EHBP1L1: variants seen among roughly 807,000 people sequenced by gnomAD.
The protein encoded by EHBP1L1 is EH domain-binding protein 1-like protein 1.
A neutral mutation model predicts 151.1 loss-of-function variants in EHBP1L1; 122 were observed. The observed-to-expected ratio is 0.81, with a 90% CI of 0.70 to 0.94. The LOEUF (loss-of-function observed/expected upper bound fraction) is 0.94, where lower values mean the gene tolerates loss of function less well. Ranked by LOEUF, EHBP1L1 falls within the 40% of genes least tolerant of loss-of-function variation. The probability of loss-of-function intolerance (pLI) is 0.00; values close to 1 mark genes in which losing one functional copy is unlikely to be tolerated. For missense variants in EHBP1L1, 1,941 were observed against 1,959.8 expected (o/e 0.99, Z 0.18); for synonymous variants, 878 against 810.1 (o/e 1.08, Z -1.42).
chr11:65,576,687 T>C (rs1374770116), intron 1 of EHBP1L1, among the ~76,000 whole-genome samples: 1 of 151,934 alleles, frequency 6.6e-6, no homozygotes, highest in Non-Finnish European at 1.5e-5. Context: ...CGGTCAGGGC[T>C]GGGGGAGGGA....
At chr11:65,578,980 C>G in intron 1 of EHBP1L1, 98 bp from the exon 2 acceptor site, 1 of 1,239,062 alleles carries the variant, frequency 8.1e-7, no homozygotes, top group Non-Finnish European at 1.1e-6. Context: ...GAAGGAAGAC[C>G]CTGAGGGAGC....
intron 12 of EHBP1L1, among the ~76,000 whole-genome samples, chr11:65,586,009 C>A (rs1444385819): frequency 6.6e-6 from 1 of 152,210 alleles, no homozygotes; most frequent in African/African-American, 2.4e-5. Flanking sequence ...TCTTTCCCTG[C>A]AGGTGGCTCA....
chr11:65,579,010 G>A (rs1482060771), intron 1 of EHBP1L1, 68 bp from the exon 2 acceptor site: 2 of 1,451,322 alleles, frequency 1.4e-6, no homozygotes, highest in African/African-American at 1.4e-5. Flanking sequence ...AGGAAGAGGA[G>A]ATGGGGAGGC....
chr11:65,585,509 A>G lies in EHBP1L1; in HGVS notation c.3851A>G (p.Lys1284Arg), dbSNP rs1303930943. The G allele has an allele frequency of 1.9e-6, 3 of 1,565,854 alleles. No individual in the cohort carries two copies. The African/African-American group carries it at 4.1e-5, about 21-fold the overall frequency. Reference sequence around the variant, plus strand: ...CACGTGCGCGACGCGGACCTGCTCAAGAAGAGGCGCTCGCGGCTGCGGAAC... The same window carrying G: ...CACGTGCGCGACGCGGACCTGCTCAGGAAGAGGCGCTCGCGGCTGCGGAAC... ...FSHVRDADLL[K>R]KRRSRLRNSS... The change falls in exon 12 of 19, where the codon AAG (lysine) becomes AGG (arginine). Residue 1284 changes from lysine (K) to arginine (R), a missense_variant. Coordinates refer to ENST00000309295, the MANE Select transcript of EHBP1L1 (RefSeq NM_001099409.3). This position sits in a 1 kb window ranked among gnomAD's most constrained non-coding sequence, Gnocchi z 4.0.
Position 65,576,192 on chromosome 11 carries a change from C to T in EHBP1L1, c.-111C>T, listed in dbSNP as rs908625565. On this transcript the variant is annotated 5_prime_UTR_variant, in exon 1 of 19. Coordinates refer to ENST00000309295, the MANE Select transcript of EHBP1L1 (RefSeq NM_001099409.3). ...CGGGTCGGAGCCTGGGACACCTCCG[C>T]ACGGACGGGGCGGGCGGCGCGGACA... 1 of 960,350 alleles carries T rather than the reference C, an allele frequency of 1.0e-6. No homozygotes were observed. The highest frequency in any genetic ancestry group is 2.4e-5 in the South Asian group (1 of 42,090). The allele number at this position is 960,350 out of a possible 1,614,324, so 59.5% of individuals were successfully genotyped here.
Position 65,591,839 on chromosome 11 carries a change from G to A in EHBP1L1, c.4323G>A (p.Leu1441=). The part of the protein sequence containing the change: ...EQDLERRFEL[L]SRELRAMLAI... Reference sequence around the variant, plus strand: ...ACTTGGAGCGAAGGTTCGAGCTGCTGAGCCGCGAGCTGCGGGCCATGCTGG... The same window carrying A: ...ACTTGGAGCGAAGGTTCGAGCTGCTAAGCCGCGAGCTGCGGGCCATGCTGG... Residue 1441 remains leucine, a synonymous_variant, in exon 17 of 19, where the codon CTG becomes CTA. Transcript: ENST00000309295. 2 of 1,551,226 alleles carry A rather than the reference G, an allele frequency of 1.3e-6. No homozygotes were observed. The highest frequency in any genetic ancestry group is 1.7e-6 in the Non-Finnish European group (2 of 1,149,240).
chr11:65,583,532 G>A lies in EHBP1L1; in HGVS notation c.2860G>A (p.Ala954Thr). 6.2e-7 allele frequency: 1 copy of A among 1,613,054 alleles called. No homozygotes were observed. Among genetic ancestry groups the A allele is most frequent in the Non-Finnish European group, 8.5e-7 (1 of 1,179,630 alleles). ...MSEGKSGAWG[A>T]QEAEMKVLES... ...AGAGGGCAAATCTGGGGCTTGGGGGGCCCAGGAAGCAGAGATGAAGGTTTT... is the reference window on the plus strand; with the variant it reads ...AGAGGGCAAATCTGGGGCTTGGGGGACCCAGGAAGCAGAGATGAAGGTTTT... Residue 954 changes from alanine (A) to threonine (T), a missense_variant, in exon 9 of 19, where the codon GCC becomes ACC. By Grantham distance (58) the Ala-to-Thr change is moderately conservative. Coordinates refer to ENST00000309295, the MANE Select transcript of EHBP1L1 (RefSeq NM_001099409.3).
At chr11:65,578,990 C>A in intron 1 of EHBP1L1, 88 bp from the exon 2 acceptor site, 1 of 1,311,718 alleles carries the variant, frequency 7.6e-7, no homozygotes. Context: ...CCTGAGGGAG[C>A]TGGGGGAGGA....
Position 65,583,286 on chromosome 11 carries a change from A to G in EHBP1L1, c.2614A>G (p.Ile872Val), listed in dbSNP as rs1486406317. Residue 872 changes from isoleucine to valine, a missense_variant, in exon 9 of 19, where the codon ATA becomes GTA. Coordinates refer to ENST00000309295, the MANE Select transcript of EHBP1L1 (RefSeq NM_001099409.3). ...ACTGATGACCCGTAAGACAGAAATT[A>G]TAGTTCCAGAGGCTGAGAAGGAAGA... ...RVLMTRKTEI[I>V]VPEAEKEEAQ... 1 of 1,613,614 alleles carries G rather than the reference A, an allele frequency of 6.2e-7. No individual in the cohort carries two copies. The highest frequency in any genetic ancestry group is 2.2e-5 in the East Asian group (1 of 44,886).
chr11:65,592,319 G>T lies in EHBP1L1; in HGVS notation c.*17G>T. 4 of 1,429,074 alleles carry T rather than the reference G, an allele frequency of 2.8e-6. No individual in the cohort carries two copies. Among genetic ancestry groups the T allele is most frequent in the Non-Finnish European group, 3.6e-6 (4 of 1,101,374 alleles). The allele number at this position is 1,429,074 out of a possible 1,614,324, so 88.5% of individuals were successfully genotyped here. A position where few individuals can be genotyped will look rare whatever the true frequency, so the allele number is the denominator to read the frequency against. ...CTGAGCTGAGGCCGCCGGCCCGGGTGGCCCATAACTTCTCGCGTCCCCGGC... is the reference window on the plus strand; with the variant it reads ...CTGAGCTGAGGCCGCCGGCCCGGGTTGCCCATAACTTCTCGCGTCCCCGGC... On this transcript the variant is annotated 3_prime_UTR_variant, in exon 19 of 19. Coordinates refer to ENST00000309295, the MANE Select transcript of EHBP1L1 (RefSeq NM_001099409.3).
At chr11:65,590,687 G>T (rs1858225889) in intron 16 of EHBP1L1, 95 bp downstream of exon 16, 2 of 1,091,312 alleles carry the variant, frequency 1.8e-6, no homozygotes, top group Non-Finnish European at 2.7e-6. Context: ...AGATCTTTTT[G>T]ACAAACGATT....
At chr11:65,578,700 G>T (rs1012751557) in intron 1 of EHBP1L1, among the ~76,000 whole-genome samples, 7 of 152,220 alleles carry the variant, frequency 4.6e-5, no homozygotes, top group Non-Finnish European at 8.8e-5. Context: ...CTCTCCCTGT[G>T]TTGGAGTCTG....
rs376850828 is a variant in EHBP1L1 at position 65,584,761 on chromosome 11, CG to C, written c.3301-194del. On this transcript the variant is annotated intron_variant, in intron 11 of 18. Transcript: ENST00000309295. Reference sequence around the variant, plus strand: ...TTTTTCCAAAACCACCCTTTGGTAACGGGGTGGACGGTGTGCCGTTGCTAAG... The same window carrying C: ...TTTTTCCAAAACCACCCTTTGGTAACGGGTGGACGGTGTGCCGTTGCTAAG... 2,127 of 948,076 alleles carry C rather than the reference CG, an allele frequency of 2.2e-3. 57 individuals carry two copies. The South Asian group carries it at 0.035, about 15-fold the overall frequency. The allele number at this position is 948,076 out of a possible 1,614,324, so 58.7% of individuals were successfully genotyped here.
intron 11 of EHBP1L1, 105 bp from the exon 12 acceptor site, chr11:65,584,854 C>G (rs1272316492): frequency 1.1e-5 from 16 of 1,437,462 alleles, no homozygotes; most frequent in African/African-American, 1.4e-5. Flanking sequence ...CTAGGCAAAA[C>G]CCGGGGTGCC....
Position 65,590,186 on chromosome 11 carries a change from C to T in EHBP1L1, c.4159C>T (p.Gln1387Ter). ...IDGRAAEVEM[Q>*]LRSLMESGAN... ...TGGGCGGGCGGCTGAGGTGGAGATG[C>T]AGCTGAGGAGCCTCATGGAGTCAGG... is the stretch of plus-strand genomic sequence containing the variant. The change falls in exon 15 of 19, where the codon CAG (glutamine) becomes TAG (stop). Residue 1387 changes from glutamine (Q) to a stop codon, truncating the protein, a stop_gained. Coordinates refer to ENST00000309295, the MANE Select transcript of EHBP1L1 (RefSeq NM_001099409.3). LOFTEE classifies it high-confidence loss of function. 1 of 1,613,512 alleles carries T rather than the reference C, an allele frequency of 6.2e-7. No homozygotes were observed. Among genetic ancestry groups the T allele is most frequent in the Non-Finnish European group, 8.5e-7 (1 of 1,179,734 alleles).
intron 12 of EHBP1L1, among the ~76,000 whole-genome samples, chr11:65,586,018 C>T (rs948686): frequency 0.018 from 2,707 of 152,248 alleles, 74 homozygotes; most frequent in African/African-American, 0.061. Context: ...GCAGGTGGCT[C>T]ATCGTTAACC....
At chr11:65,590,724 T>A in intron 16 of EHBP1L1, 132 bp downstream of exon 16, 1 of 853,106 alleles carries the variant, frequency 1.2e-6, no homozygotes, top group Non-Finnish European at 1.8e-6. Flanking sequence ...GTTTTTGTCC[T>A]AAACAAATTG....
chr11:65,581,921 G>C lies in EHBP1L1; in HGVS notation c.1249G>C (p.Glu417Gln). ...RSGVRAGEAE[E>Q]SSAVCQVDAE... ...AGGAGTCAGAGCTGGGGAGGCTGAAGAGAGTTCAGCAGTTTGTCAAGTGGA... is the reference window on the plus strand; with the variant it reads ...AGGAGTCAGAGCTGGGGAGGCTGAACAGAGTTCAGCAGTTTGTCAAGTGGA... The change falls in exon 9 of 19, where the codon GAG becomes CAG. Residue 417 changes from glutamate (E) to glutamine (Q), a missense_variant. Physicochemically the swap from Glu to Gln is conservative, Grantham distance 29. Coordinates refer to ENST00000309295, the MANE Select transcript of EHBP1L1 (RefSeq NM_001099409.3). 1.2e-6 allele frequency: 2 copies of C among 1,613,790 alleles called. No homozygotes were observed. The highest frequency in any genetic ancestry group is 1.7e-6 in the Non-Finnish European group (2 of 1,179,830).
Position 65,585,046 on chromosome 11 carries a change from G to T in EHBP1L1, c.3388G>T (p.Val1130Phe). Residue 1130 changes from valine to phenylalanine, a missense_variant, in exon 12 of 19, where the codon GTC (valine) becomes TTC (phenylalanine). By Grantham distance (50) the Val-to-Phe change is conservative (BLOSUM62 -1). Transcript: ENST00000309295. The surrounding 1 kb of genome is among the most constrained non-coding windows in gnomAD (Gnocchi z 4.0). ...VLLSVPDKLI[V>F]MTYLCQIRAF... ...ACTGTCGGTGCCCGACAAGCTCATCGTCATGACGTACCTGTGCCAGATCCG... is the reference window on the plus strand; with the variant it reads ...ACTGTCGGTGCCCGACAAGCTCATCTTCATGACGTACCTGTGCCAGATCCG... The T allele has an allele frequency of 1.9e-6, 3 of 1,541,148 alleles. No homozygotes were observed. The highest frequency in any genetic ancestry group is 2.6e-6 in the Non-Finnish European group (3 of 1,150,448).
Sources: allele counts gnomAD v4.1 joint callset (sites outside exome capture counted in the v4.1 genomes callset), GRCh38; gene constraint gnomAD v4.1.1; non-coding constraint Gnocchi (gnomAD v3.1); transcripts MANE v1.5; gene names NCBI Gene and HGNC (gene_info 2026-07-23, HGNC 2026-07-21).